The following FAM174A variants were observed in gnomAD, a reference collection of about 807,000 sequenced individuals.
The protein encoded by FAM174A is membrane protein FAM174A.
A neutral mutation model predicts 14.3 loss-of-function variants in FAM174A; 14 were observed. That is an observed-to-expected ratio of 0.98 (90% CI 0.65 to 1.53). The LOEUF (loss-of-function observed/expected upper bound fraction) is 1.53, where lower values mean the gene tolerates loss of function less well. FAM174A is among the 40% of genes most tolerant of loss of function. The pLI is 0.00. For synonymous variants in FAM174A, 108 were observed against 111.4 expected, an observed-to-expected ratio of 0.97 and a Z score of 0.19; for missense variants, 241 against 249.6, an observed-to-expected ratio of 0.97 and a Z score of 0.23.
At chr5:100,550,217 A>G (rs966682049) in intron 1 of FAM174A, among the ~76,000 whole-genome samples, 1 of 152,194 alleles carries the variant, frequency 6.6e-6, no homozygotes, top group Admixed American at 6.6e-5. Context: ...CCTAAATGAA[A>G]TCTTAGAGCT....
chr5:100,544,558 G>A (rs529353389), intron 1 of FAM174A, among the ~76,000 whole-genome samples: 1 of 152,198 alleles, frequency 6.6e-6, no homozygotes, highest in Non-Finnish European at 1.5e-5. Context: ...GATTAAAAAT[G>A]TGAGGTAGCT....
chr5:100,570,174 T>G (rs1428094456), intron 2 of FAM174A, among the ~76,000 whole-genome samples: 1 of 151,880 alleles, frequency 6.6e-6, no homozygotes, highest in Non-Finnish European at 1.5e-5. Context: ...GGTGGCCACA[T>G]TTCTACCACA....
intron 1 of FAM174A, 97 bp downstream of exon 1, chr5:100,536,061 CCAG>C: frequency 9.0e-7 from 1 of 1,112,824 alleles, no homozygotes; most frequent in Admixed American, 2.9e-5. Context: ...TCCCCCTTCC[CCAG>C]CATCAGGGAC....
chr5:100,556,724 C>T (rs143679155), intron 1 of FAM174A, among the ~76,000 whole-genome samples: 1 of 152,124 alleles, frequency 6.6e-6, no homozygotes, highest in African/African-American at 2.4e-5. Context: ...GAAGTTCACT[C>T]ATGATTTGGC....
At chr5:100,538,897 T>C (rs571317979) in intron 1 of FAM174A, among the ~76,000 whole-genome samples, 1 of 152,192 alleles carries the variant, frequency 6.6e-6, no homozygotes, top group East Asian at 1.9e-4. Flanking sequence ...TCACTGTAGA[T>C]GGTTGTTGGT....
chr5:100,556,456 T>C (rs1349505836), intron 1 of FAM174A, among the ~76,000 whole-genome samples: 1 of 152,188 alleles, frequency 6.6e-6, no homozygotes, highest in Non-Finnish European at 1.5e-5. Context: ...AACTTTAAAG[T>C]AGTTTTTTCC....
At chr5:100,574,434 C>T (rs1300550428) in intron 2 of FAM174A, among the ~76,000 whole-genome samples, 6 of 152,028 alleles carry the variant, frequency 3.9e-5, no homozygotes, top group Non-Finnish European at 5.9e-5. Context: ...GTGATCCACC[C>T]GCCTCGACCT....
intron 1 of FAM174A, among the ~76,000 whole-genome samples, chr5:100,536,618 G>A (rs1745947310): frequency 6.6e-6 from 1 of 152,216 alleles, no homozygotes; most frequent in African/African-American, 2.4e-5. Context: ...ACAGAGCCAA[G>A]ACCTCACCAT....
rs761710739 is a variant in FAM174A, at chr5:100,535,496, C to T, written c.-35C>T. On this transcript the variant is annotated 5_prime_UTR_variant, in exon 1 of 3. Transcript: ENST00000312637. Reference sequence around the variant, plus strand: ...CTTGGAGCCAGCGTGGCGGGCCTGGCGGCTCCCGGGTGGTGAGAGAGCGGT... The same window carrying T: ...CTTGGAGCCAGCGTGGCGGGCCTGGTGGCTCCCGGGTGGTGAGAGAGCGGT... The T allele has an allele frequency of 2.0e-4, 314 of 1,601,832 alleles. No homozygotes were observed. The highest frequency in any genetic ancestry group is 2.4e-4 in the Non-Finnish European group (278 of 1,173,700).
intron 1 of FAM174A, among the ~76,000 whole-genome samples, chr5:100,556,220 T>A (rs1228743577): frequency 1.3e-5 from 2 of 152,332 alleles, no homozygotes; most frequent in African/African-American, 4.8e-5. Flanking sequence ...ATTTCTTGTT[T>A]TTGTCAGGTT....
At chr5:100,562,264 C>T (rs894874897) in intron 2 of FAM174A, 76 bp downstream of exon 2, 2 of 1,352,784 alleles carry the variant, frequency 1.5e-6, no homozygotes, top group African/African-American at 3.1e-5. Flanking sequence ...GTAAAGTAGA[C>T]TTTCATTTAA....
intron 1 of FAM174A, among the ~76,000 whole-genome samples, chr5:100,551,314 C>T (rs923292771): frequency 6.6e-6 from 1 of 152,158 alleles, no homozygotes; most frequent in Non-Finnish European, 1.5e-5. Flanking sequence ...TCACAGCATT[C>T]ATGCCAGGAC....
intron 1 of FAM174A, among the ~76,000 whole-genome samples, chr5:100,553,121 G>A (rs1005700740): frequency 7.2e-5 from 11 of 152,046 alleles, no homozygotes; most frequent in African/African-American, 2.2e-4. Context: ...ATGAGTTTGA[G>A]TGTCATGAGC....
chr5:100,562,502 G>A (rs992924439), intron 2 of FAM174A, among the ~76,000 whole-genome samples: 2 of 151,510 alleles, frequency 1.3e-5, no homozygotes, highest in Admixed American at 6.6e-5. Context: ...TGGTTTTGTC[G>A]TACAGATTAT....
chr5:100,543,465 C>T (rs1320888494), intron 1 of FAM174A, among the ~76,000 whole-genome samples: 1 of 152,162 alleles, frequency 6.6e-6, no homozygotes, highest in Non-Finnish European at 1.5e-5. Context: ...TTAGTGGCAA[C>T]TGTATTGGAC....
intron 2 of FAM174A, among the ~76,000 whole-genome samples, chr5:100,568,421 C>G (rs1746707984): frequency 6.6e-6 from 1 of 151,808 alleles, no homozygotes; most frequent in Admixed American, 6.6e-5. Flanking sequence ...GACTTTGTTT[C>G]TGGGCCTTTC....
chr5:100,568,733 T>TA (rs552885832), intron 2 of FAM174A, among the ~76,000 whole-genome samples: 3 of 148,434 alleles, frequency 2.0e-5, no homozygotes, highest in South Asian at 2.1e-4. Flanking sequence ...AAAAACTTTC[T>TA]AAAAAAAAAT....
At chr5:100,582,186 C>T (rs1444513508) in intron 2 of FAM174A, among the ~76,000 whole-genome samples, 4 of 151,782 alleles carry the variant, frequency 2.6e-5, no homozygotes, top group South Asian at 2.1e-4. Context: ...GGGTTTCAAG[C>T]GTTAAAAGGA....
intron 1 of FAM174A, among the ~76,000 whole-genome samples, chr5:100,536,620 C>A (rs1436356306): frequency 6.6e-6 from 1 of 152,118 alleles, no homozygotes; most frequent in Admixed American, 6.5e-5. Context: ...AGAGCCAAGA[C>A]CTCACCATTA....
Sources: gnomAD v4.1 joint callset for allele counts (sites outside exome capture counted in the v4.1 genomes callset) on GRCh38, gnomAD v4.1.1 for gene constraint, MANE v1.5 for transcripts, NCBI Gene and HGNC (gene_info 2026-07-23, HGNC 2026-07-21) for gene names.